USH2A: variants seen among roughly 807,000 people sequenced by gnomAD.
The protein encoded by USH2A is Usher syndrome 2A (autosomal recessive, mild).
Under a neutral mutation model 538.9 loss-of-function variants are expected in USH2A, and 443 were observed. That is an observed-to-expected ratio of 0.82 (90% CI 0.76 to 0.89). The LOEUF (loss-of-function observed/expected upper bound fraction) is 0.89, where lower values mean the gene tolerates loss of function less well. Among genes scored for constraint, USH2A ranks in the 40% least tolerant of loss-of-function variants. The pLI is 0.00. For synonymous variants in USH2A, 2,413 were observed against 2,273.5 expected, an observed-to-expected ratio of 1.06 and a Z score of -1.75; for missense variants, 6,633 against 6,324.8, an observed-to-expected ratio of 1.05 and a Z score of -1.65.
At chr1:216,051,992 A>T (rs1267291278) in intron 30 of USH2A, among the ~76,000 whole-genome samples, 1 of 152,212 alleles carries the variant, frequency 6.6e-6, no homozygotes, top group African/African-American at 2.4e-5. Context: ...CCAGATCCTG[A>T]GTTCACAACT....
rs114716537 is a variant in USH2A, at chr1:216,232,833, C to T, written c.2810-697G>A. Among the ~76,000 whole-genome samples the T allele has an allele frequency of 3.4e-3, 525 of 152,248 alleles. 2 individuals are homozygous for T. The highest frequency in any genetic ancestry group is 0.012 in the African/African-American group (499 of 41,552). ...GCTACTGTAGGGGCTTTATCTTGAG[C>T]ATCTCATTTAGTTGTCATAGAAATG... is the stretch of plus-strand genomic sequence containing the variant. On this transcript the variant is annotated intron_variant, in intron 13 of 71. Coordinates refer to ENST00000307340, the MANE Select transcript of USH2A (RefSeq NM_206933.4).
chr1:215,879,792 T>C (rs1664862206), intron 41 of USH2A, among the ~76,000 whole-genome samples: 1 of 152,186 alleles, frequency 6.6e-6, no homozygotes, highest in South Asian at 2.1e-4. Flanking sequence ...TGTCTGAAGT[T>C]TATTTTCTTT....
chr1:216,060,620 A>G (rs190184996), intron 30 of USH2A, among the ~76,000 whole-genome samples: 5 of 152,334 alleles, frequency 3.3e-5, no homozygotes, highest in African/African-American at 1.2e-4. Context: ...TGAAGAAGCA[A>G]TATAACCCCT....
intron 56 of USH2A, among the ~76,000 whole-genome samples, chr1:215,764,789 A>T (rs1364921069): frequency 1.3e-5 from 2 of 152,158 alleles, no homozygotes; most frequent in Non-Finnish European, 2.9e-5. Context: ...ACAGAACTTA[A>T]TGTGATTGCT....
At chr1:216,099,685 A>C (rs1261402197) in intron 21 of USH2A, among the ~76,000 whole-genome samples, 1 of 152,228 alleles carries the variant, frequency 6.6e-6, no homozygotes, top group African/African-American at 2.4e-5. Context: ...GGAAAGGCAC[A>C]TTAAGACATA....
chr1:215,989,695 C>A (rs1667960083), intron 35 of USH2A, among the ~76,000 whole-genome samples: 1 of 151,948 alleles, frequency 6.6e-6, no homozygotes, highest in Non-Finnish European at 1.5e-5. Flanking sequence ...AAGGTGAAGA[C>A]TGCTGCCCAG....
chr1:216,199,472 C>A (rs1446332062), intron 17 of USH2A, among the ~76,000 whole-genome samples, 155 bp downstream of exon 17: 1 of 152,172 alleles, frequency 6.6e-6, no homozygotes, highest in Non-Finnish European at 1.5e-5. Context: ...CTAACCAGGA[C>A]AAATACTATC....
chr1:215,708,380 CAATT>C (rs1277473033), intron 61 of USH2A, among the ~76,000 whole-genome samples: 3 of 152,078 alleles, frequency 2.0e-5, no homozygotes, highest in African/African-American at 7.2e-5. Flanking sequence ...ATGAATGAAT[CAATT>C]AAGTTCTGTA....
intron 14 of USH2A, among the ~76,000 whole-genome samples, chr1:216,223,580 C>T (rs2035502249): frequency 6.6e-6 from 1 of 152,144 alleles, no homozygotes; most frequent in Non-Finnish European, 1.5e-5. Context: ...AGTGTCTTTG[C>T]ATGCTTCTGC....
chr1:216,198,411 A>G lies in USH2A; in HGVS notation c.3985T>C (p.Leu1329=). Residue 1329 remains leucine, a synonymous_variant, in exon 18 of 72, where the codon TTG becomes CTG. Transcript: ENST00000307340. ...AACTCATACTTGGTGTATGGCTCCA[A>G]GCCAGTGATGGTTGTCATTGTTTGA... ...PPQTMTTITG[L]EPYTKYEFRV... 6.2e-7 allele frequency: 1 copy of G among 1,614,046 alleles called. No homozygotes were observed.
intron 4 of USH2A, among the ~76,000 whole-genome samples, chr1:216,333,675 TGAAAGA>T (rs903839963): frequency 6.6e-6 from 1 of 151,858 alleles, no homozygotes; most frequent in African/African-American, 2.4e-5. Flanking sequence ...ATCAAACTGT[TGAAAGA>T]CAAAGACAAA....
In USH2A at chr1:215,739,464, G is replaced by A. The variant is rs116978728; in HGVS notation, c.11711+1911C>T. Among the ~76,000 whole-genome samples, 97 of 152,256 alleles carry A rather than the reference G, an allele frequency of 6.4e-4. 1 individual carries two copies. In the East Asian group the frequency reaches 0.018, roughly 28 times the overall value. ...TACAAAACCAACAGAGTGAAGCCAC[G>A]TCCTGGTCTATAACAGATACTCTAT... On this transcript the variant is annotated intron_variant, in intron 60 of 71. Coordinates refer to ENST00000307340, the MANE Select transcript of USH2A (RefSeq NM_206933.4).
intron 21 of USH2A, among the ~76,000 whole-genome samples, chr1:216,165,686 G>C (rs145015860): frequency 3.0e-4 from 45 of 152,060 alleles, no homozygotes; most frequent in African/African-American, 1.1e-3. Context: ...CACTCATTTA[G>C]TTAATAAATA....
intron 4 of USH2A, 113 bp from the exon 5 acceptor site, chr1:216,327,767 T>C (rs1280255661): frequency 3.1e-6 from 4 of 1,301,722 alleles, no homozygotes; most frequent in Non-Finnish European, 2.2e-6. Context: ...GATATTTATG[T>C]CACTGCCCTT....
chr1:215,933,182 A>G (rs1571825441), intron 38 of USH2A, among the ~76,000 whole-genome samples: 1 of 151,894 alleles, frequency 6.6e-6, no homozygotes, highest in East Asian at 1.9e-4. Flanking sequence ...GGCACTGATT[A>G]CTCTTTAATT....
At chr1:215,737,973 A>G (rs1050020144) in intron 60 of USH2A, among the ~76,000 whole-genome samples, 4 of 152,050 alleles carry the variant, frequency 2.6e-5, no homozygotes, top group South Asian at 2.1e-4. Flanking sequence ...GGGTGTTTGT[A>G]TATAGTTTTG....
intron 38 of USH2A, among the ~76,000 whole-genome samples, chr1:215,905,515 C>T (rs1200704711): frequency 6.6e-6 from 1 of 151,950 alleles, no homozygotes; most frequent in Non-Finnish European, 1.5e-5. Context: ...ACAGATTAGA[C>T]CTGACTCAAA....
intron 3 of USH2A, among the ~76,000 whole-genome samples, chr1:216,405,586 T>C (rs1011470202): frequency 2.0e-5 from 3 of 152,202 alleles, no homozygotes; most frequent in African/African-American, 4.8e-5. Context: ...GGAGCACTCA[T>C]ACATCACTGG....
chr1:215,745,028 G>A (rs927841554), intron 58 of USH2A, among the ~76,000 whole-genome samples: 3 of 152,076 alleles, frequency 2.0e-5, no homozygotes, highest in Admixed American at 6.6e-5. Context: ...CAGAGGCCAC[G>A]ATCTCAACAA....
Sources: gnomAD v4.1 joint callset for allele counts (sites outside exome capture counted in the v4.1 genomes callset) on GRCh38, gnomAD v4.1.1 for gene constraint, MANE v1.5 for transcripts, NCBI Gene and HGNC (gene_info 2026-07-23, HGNC 2026-07-21) for gene names.